The following LDB2 variants were observed in gnomAD, a reference collection of about 807,000 sequenced individuals.
LDB2 encodes the protein LIM domain binding 2, also known as LIM domain-binding protein 2.
Under a neutral mutation model 44.3 loss-of-function variants are expected in LDB2, and 12 were observed. The ratio of observed to expected loss-of-function variants is 0.27; its 90% CI spans 0.17 to 0.44. The LOEUF is 0.44. LDB2 is among the 20% of genes least tolerant of loss of function. LDB2 has a pLI of 1.00. For synonymous variants in LDB2, 164 were observed against 174.8 expected, an observed-to-expected ratio of 0.94 and a Z score of 0.49; for missense variants, 344 against 473.5, an observed-to-expected ratio of 0.73 and a Z score of 2.54.
chr4:16,784,404 A>T (rs1249834696), intron 1 of LDB2, among the ~76,000 whole-genome samples: 1 of 152,208 alleles, frequency 6.6e-6, no homozygotes, highest in Admixed American at 6.5e-5. Context: ...TAAAAATTAA[A>T]TAAGAATGTG....
At position 16,581,941 on chromosome 4, in the gene LDB2, G is replaced by A. The variant is rs60653521; in HGVS notation, c.615+3981C>T. Among the ~76,000 whole-genome samples, 1,209 of 144,684 alleles carry A rather than the reference G, an allele frequency of 8.4e-3. 10 individuals are homozygous for A. The highest frequency in any genetic ancestry group is 0.018 in the East Asian group (88 of 4,982). The allele number at this position is 144,684 out of a possible 152,430, so 94.9% of individuals were successfully genotyped here. A position where few individuals can be genotyped will look rare whatever the true frequency, so the allele number is the denominator to read the frequency against. On this transcript the variant is annotated intron_variant, in intron 5 of 7. Transcript: ENST00000304523. ...GGAAAGAAGAAAGAAAGAAAGAAAGGAAGGGAGGGAGGGAAATAAAAGAAA... is the reference window on the plus strand; with the variant it reads ...GGAAAGAAGAAAGAAAGAAAGAAAGAAAGGGAGGGAGGGAAATAAAAGAAA...
chr4:16,506,271 GGTT>G (rs1305740513), intron 7 of LDB2: 2 of 311,320 alleles, frequency 6.4e-6, no homozygotes, highest in African/African-American at 2.1e-5. Context: ...TTCCTAATCT[GGTT>G]GTTCTTTCTG....
At chr4:16,630,950 G>C (rs1209023041) in intron 2 of LDB2, among the ~76,000 whole-genome samples, 1 of 152,156 alleles carries the variant, frequency 6.6e-6, no homozygotes, top group Non-Finnish European at 1.5e-5. Flanking sequence ...AGTTCTTAGA[G>C]ACCTGCAAAG....
intron 1 of LDB2, among the ~76,000 whole-genome samples, chr4:16,872,939 G>A (rs1259806038): frequency 6.6e-6 from 1 of 152,154 alleles, no homozygotes; most frequent in Non-Finnish European, 1.5e-5. Flanking sequence ...GGGAGCCCAC[G>A]TGCTTCTAAG....
At chr4:16,636,434 C>T (rs78989763) in intron 2 of LDB2, among the ~76,000 whole-genome samples, 2,892 of 152,294 alleles carry the variant, frequency 0.019, 32 homozygotes, top group East Asian at 0.04. Context: ...AGTAGGCCCA[C>T]GGTATCATAC....
rs377055653 is a variant in LDB2 at position 16,656,027 on chromosome 4, G to A, written c.236-60152C>T. ...CCATTCTCCTGCCTCAGCCTCCCAA[G>A]TAGCTGGGACTACAGGCGCCTGCCA... On this transcript the variant is annotated intron_variant, in intron 2 of 7. Transcript: ENST00000304523. Among the ~76,000 whole-genome samples the A allele has an allele frequency of 4.0e-5, 6 of 148,288 alleles. No homozygotes were observed. The East Asian group carries it at 1.2e-3, about 30-fold the overall frequency.
chr4:16,595,822 C>G lies in LDB2; in HGVS notation c.289G>C (p.Val97Leu). The change falls in exon 3 of 8, where the codon GTG becomes CTG. Residue 97 changes from valine (V) to leucine (L), a missense_variant. By Grantham distance (32) the Val-to-Leu change is conservative. Coordinates refer to ENST00000304523, the MANE Select transcript of LDB2 (RefSeq NM_001290.5). The part of the protein sequence containing the change: ...RYFSTVFEGG[V>L]TDLYYILKHS... ...TTGAGAATGTAATACAGGTCGGTCA[C>G]CCCTCCTTCAAACACAGTGCTAAAG... The G allele has an allele frequency of 1.2e-6, 2 of 1,613,572 alleles. No homozygotes were observed. The highest frequency in any genetic ancestry group is 1.7e-6 in the Non-Finnish European group (2 of 1,179,786).
intron 2 of LDB2, among the ~76,000 whole-genome samples, chr4:16,695,583 C>T (rs191306202): frequency 2.8e-4 from 42 of 152,182 alleles, no homozygotes; most frequent in Admixed American, 7.2e-4. Flanking sequence ...CTAATCAGAA[C>T]GGATTGAACT....
chr4:16,570,002 G>A (rs1745842917), intron 5 of LDB2, among the ~76,000 whole-genome samples: 1 of 152,172 alleles, frequency 6.6e-6, no homozygotes, highest in African/African-American at 2.4e-5. Context: ...AGCCTTCGCA[G>A]AAGTGCTCTC....
intron 2 of LDB2, among the ~76,000 whole-genome samples, chr4:16,757,877 A>T (rs544353138): frequency 6.6e-6 from 1 of 152,238 alleles, no homozygotes; most frequent in East Asian, 1.9e-4. Context: ...ACTTTGTTGA[A>T]TATAAAGGTG....
In LDB2 at chr4:16,898,491, C is replaced by T. The variant is rs761829819; in HGVS notation, c.-6G>A. The T allele has an allele frequency of 1.5e-5, 24 of 1,613,160 alleles. No homozygotes were observed. The highest frequency in any genetic ancestry group is 1.9e-5 in the Non-Finnish European group (22 of 1,179,642). ...TCATGTGGTGTGCTGGACATCTTGC[C>T]TGCTTTTCGAAAATCAAGCTAAACA... On this transcript the variant is annotated 5_prime_UTR_variant, in exon 1 of 8. Coordinates refer to ENST00000304523, the MANE Select transcript of LDB2 (RefSeq NM_001290.5).
chr4:16,798,638 C>T (rs1777184459), intron 1 of LDB2, among the ~76,000 whole-genome samples: 1 of 152,142 alleles, frequency 6.6e-6, no homozygotes, highest in South Asian at 2.1e-4. Flanking sequence ...TCCTAAAGGC[C>T]AGTAACCAGT....
intron 2 of LDB2, among the ~76,000 whole-genome samples, chr4:16,664,715 A>G (rs1428760757): frequency 6.6e-6 from 1 of 152,236 alleles, no homozygotes; most frequent in African/African-American, 2.4e-5. Flanking sequence ...AAAATAATGG[A>G]TCAATCTGAA....
At chr4:16,674,755 G>C (rs946834314) in intron 2 of LDB2, among the ~76,000 whole-genome samples, 2 of 151,700 alleles carry the variant, frequency 1.3e-5, no homozygotes, top group African/African-American at 2.4e-5. Context: ...CATTTTTAGA[G>C]AAAAAATTAA....
rs149461419 is a variant in LDB2 at position 16,846,622 on chromosome 4, T to C, written c.132+51732A>G. Among the ~76,000 whole-genome samples the C allele has an allele frequency of 3.5e-4, 54 of 152,322 alleles. 1 individual carries two copies. Among genetic ancestry groups the C allele is most frequent in the African/African-American group, 1.3e-3 (53 of 41,578 alleles). ...AATATGTAAATTTTGGAAACATTTA[T>C]ATGTTAAAAATACTGAAAAGCAACT... On this transcript the variant is annotated intron_variant, in intron 1 of 7. Transcript: ENST00000304523.
In LDB2 at chr4:16,667,318, T is replaced by C. The variant is rs79510582; in HGVS notation, c.236-71443A>G. ...AAGGAAGTGAGCGTGTGCAGAGTCC[T>C]TGCCGTGCACGGAGCCCTGGGTGAC... On this transcript the variant is annotated intron_variant, in intron 2 of 7. Transcript: ENST00000304523. Among the ~76,000 whole-genome samples, 572 of 152,336 alleles carry C rather than the reference T, an allele frequency of 3.8e-3. 3 individuals carry two copies. The highest frequency in any genetic ancestry group is 0.013 in the African/African-American group (550 of 41,578).
At chr4:16,893,858 T>C (rs1724143807) in intron 1 of LDB2, among the ~76,000 whole-genome samples, 1 of 152,084 alleles carries the variant, frequency 6.6e-6, no homozygotes, top group African/African-American at 2.4e-5. Flanking sequence ...TTCACTTAAA[T>C]GCAGACATTT....
chr4:16,815,766 T>C (rs1438635410), intron 1 of LDB2, among the ~76,000 whole-genome samples: 1 of 152,240 alleles, frequency 6.6e-6, no homozygotes, highest in Non-Finnish European at 1.5e-5. Flanking sequence ...TGTGACTGTA[T>C]GCTGACATGA....
chr4:16,830,625 G>A (rs1783890270), intron 1 of LDB2, among the ~76,000 whole-genome samples: 1 of 152,186 alleles, frequency 6.6e-6, no homozygotes, highest in African/African-American at 2.4e-5. Flanking sequence ...ACATGAAGGA[G>A]TCATTAAGAG....
Sources: gnomAD v4.1 joint callset for allele counts (sites outside exome capture counted in the v4.1 genomes callset) on GRCh38, gnomAD v4.1.1 for gene constraint, MANE v1.5 for transcripts, NCBI Gene and HGNC (gene_info 2026-07-23, HGNC 2026-07-21) for gene names.